Variants in B3GALNT1 observed in about 807,000 individuals in gnomAD.
B3GALNT1 encodes UDP-GalNAc:beta-1,3-N-acetylgalactosaminyltransferase 1.
A neutral mutation model predicts 27.3 loss-of-function variants in B3GALNT1; 17 were observed. That is an observed-to-expected ratio of 0.62 (90% CI 0.43 to 0.94). The LOEUF (loss-of-function observed/expected upper bound fraction) is 0.94. Among genes scored for constraint, B3GALNT1 ranks in the 40% least tolerant of loss-of-function variants. The pLI is 0.00. For synonymous variants in B3GALNT1, 141 were observed against 144.0 expected (o/e 0.98, Z 0.15); for missense variants, 347 against 390.0 (o/e 0.89, Z 0.93).
chr3:161,099,907 G>C (rs550117810), intron 4 of B3GALNT1, among the ~76,000 whole-genome samples: 1 of 152,094 alleles, frequency 6.6e-6, no homozygotes, highest in South Asian at 2.1e-4. Context: ...AGCCCCATAT[G>C]AGTTCCATTT....
intron 4 of B3GALNT1, among the ~76,000 whole-genome samples, chr3:161,092,526 C>T (rs1725715221): frequency 6.6e-6 from 1 of 152,078 alleles, no homozygotes; most frequent in South Asian, 2.1e-4. Context: ...GGGAAAAAAA[C>T]ACTGGTCATA....
At chr3:161,088,645 C>A (rs2108233068) in intron 4 of B3GALNT1, among the ~76,000 whole-genome samples, 1 of 152,322 alleles carries the variant, frequency 6.6e-6, no homozygotes, top group South Asian at 2.1e-4. Context: ...CCTCACCTGG[C>A]TACTGGGCAC....
chr3:161,104,142 A>C, intron 2 of B3GALNT1, 177 bp downstream of exon 2: 1 of 364,812 alleles, frequency 2.7e-6, no homozygotes, highest in Non-Finnish European at 5.1e-6. Context: ...CTTATCTGTT[A>C]GTAATAAACG....
intron 4 of B3GALNT1, among the ~76,000 whole-genome samples, chr3:161,100,001 G>A (rs1730352744): frequency 6.6e-6 from 1 of 152,196 alleles, no homozygotes; most frequent in Non-Finnish European, 1.5e-5. Context: ...ATGACATGTG[G>A]CTGAAGGATC....
At chr3:161,093,026 G>A (rs1028611384) in intron 4 of B3GALNT1, among the ~76,000 whole-genome samples, 3 of 151,848 alleles carry the variant, frequency 2.0e-5, no homozygotes, top group Non-Finnish European at 4.4e-5. Flanking sequence ...CAAAGTGCTG[G>A]GATTACAGAC....
In B3GALNT1 at chr3:161,103,519, T is replaced by C; in HGVS notation, c.-220-2A>G. ...AACACTCAGATCTGTTGTGAACTAC[T>C]GAACAGAAGAACAGAAAAAAATATA... On this transcript the variant is annotated splice_acceptor_variant, in intron 2 of 4. Coordinates refer to ENST00000320474, the MANE Select transcript of B3GALNT1 (RefSeq NM_003781.4). LOFTEE classifies it low-confidence loss of function (5UTR_SPLICE). 8.2e-7 allele frequency: 1 copy of C among 1,223,414 alleles called. No homozygotes were observed. Among genetic ancestry groups the C allele is most frequent in the Non-Finnish European group, 1.1e-6 (1 of 937,044 alleles). The allele number at this position is 1,223,414 out of a possible 1,614,324, so 75.8% of individuals were successfully genotyped here.
intron 4 of B3GALNT1, among the ~76,000 whole-genome samples, chr3:161,095,705 G>C (rs373879232): frequency 9.9e-5 from 15 of 152,244 alleles, no homozygotes; most frequent in African/African-American, 3.6e-4. Flanking sequence ...ATAGGCCAGG[G>C]AGTGCAGCTG....
rs1291974633 is a variant in B3GALNT1 at position 161,086,381 on chromosome 3, T to A, written c.374A>T (p.Glu125Val). 2 of 1,614,054 alleles carry A rather than the reference T, an allele frequency of 1.2e-6. No homozygotes were observed. The highest frequency in any genetic ancestry group is 1.7e-5 in the Admixed American group (1 of 60,004). ...FFLLGQEAEK[E>V]DKMLALSLED... ...TAAGGACAATGCCAACATTTTGTCTTCCTTTTCAGCCTCTTGGCCTAATAA... is the reference window on the plus strand; with the variant it reads ...TAAGGACAATGCCAACATTTTGTCTACCTTTTCAGCCTCTTGGCCTAATAA... The change falls in exon 5 of 5, where the codon GAA becomes GTA. Residue 125 changes from glutamate to valine, a missense_variant. Physicochemically the swap from Glu to Val is moderately radical, Grantham distance 121. Coordinates refer to ENST00000320474, the MANE Select transcript of B3GALNT1 (RefSeq NM_003781.4).
intron 4 of B3GALNT1, among the ~76,000 whole-genome samples, chr3:161,098,803 G>C (rs1056723288): frequency 3.3e-5 from 5 of 152,158 alleles, no homozygotes; most frequent in African/African-American, 1.2e-4. Context: ...AAACATTAGT[G>C]AACACTTATG....
chr3:161,091,668 G>C (rs1394814400), intron 4 of B3GALNT1, among the ~76,000 whole-genome samples: 2 of 152,182 alleles, frequency 1.3e-5, no homozygotes, highest in Admixed American at 1.3e-4. Context: ...GTAGGATGCT[G>C]ACACTTCAGA....
chr3:161,093,025 G>C (rs556387306), intron 4 of B3GALNT1, among the ~76,000 whole-genome samples: 20 of 152,040 alleles, frequency 1.3e-4, no homozygotes, highest in Non-Finnish European at 1.9e-4. Flanking sequence ...CCAAAGTGCT[G>C]GGATTACAGA....
At chr3:161,096,863 C>G (rs899788659) in intron 4 of B3GALNT1, among the ~76,000 whole-genome samples, 23 of 152,156 alleles carry the variant, frequency 1.5e-4, no homozygotes, top group Non-Finnish European at 1.5e-5. Flanking sequence ...ATACTGGAAG[C>G]CAAGCGGGAT....
intron 4 of B3GALNT1, among the ~76,000 whole-genome samples, chr3:161,093,612 A>T (rs1478357181): frequency 2.0e-5 from 3 of 152,238 alleles, no homozygotes; most frequent in African/African-American, 7.2e-5. Context: ...CCCAACAGGG[A>T]AGTACACTAT....
At chr3:161,086,917 C>T (rs1398038100) in intron 4 of B3GALNT1, 129 bp from the exon 5 acceptor site, 34 of 935,762 alleles carry the variant, frequency 3.6e-5, no homozygotes, top group Non-Finnish European at 5.4e-5. Context: ...AAAATCCTGA[C>T]TTGAATCTAC....
chr3:161,087,919 C>A (rs1171207278), intron 4 of B3GALNT1, among the ~76,000 whole-genome samples: 1 of 152,184 alleles, frequency 6.6e-6, no homozygotes, highest in African/African-American at 2.4e-5. Flanking sequence ...GCAGTACACA[C>A]TGTTTACATC....
intron 4 of B3GALNT1, among the ~76,000 whole-genome samples, chr3:161,090,313 T>TAA (rs915603155): frequency 6.6e-6 from 1 of 152,058 alleles, no homozygotes; most frequent in African/African-American, 2.4e-5. Flanking sequence ...TTAATACATC[T>TAA]AAGTAACTGA....
chr3:161,097,854 T>C (rs1729020699), intron 4 of B3GALNT1, among the ~76,000 whole-genome samples: 1 of 152,218 alleles, frequency 6.6e-6, no homozygotes, highest in African/African-American at 2.4e-5. Context: ...ATATTTGATA[T>C]GGTTTACATT....
At chr3:161,101,901 A>C (rs1306357602) in intron 3 of B3GALNT1, among the ~76,000 whole-genome samples, 1 of 152,134 alleles carries the variant, frequency 6.6e-6, no homozygotes, top group African/African-American at 2.4e-5. Context: ...CAGATATGAG[A>C]TATGGTTTGA....
chr3:161,088,336 C>T (rs1374557338), intron 4 of B3GALNT1, among the ~76,000 whole-genome samples: 2 of 152,170 alleles, frequency 1.3e-5, no homozygotes, highest in Admixed American at 6.5e-5. Context: ...TTTGGTTCCA[C>T]GTATATGTGT....
Sources: allele counts gnomAD v4.1 joint callset (sites outside exome capture counted in the v4.1 genomes callset), GRCh38; gene constraint gnomAD v4.1.1; transcripts MANE v1.5; gene names NCBI Gene and HGNC (gene_info 2026-07-23, HGNC 2026-07-21).